The following SLIT3 variants were observed in gnomAD, a reference collection of about 807,000 sequenced individuals.
SLIT3 encodes slit guidance ligand 3.
Under a neutral mutation model 184.0 loss-of-function variants are expected in SLIT3, and 68 were observed. The ratio of observed to expected loss-of-function variants is 0.37; its 90% CI spans 0.30 to 0.45. SLIT3 has a LOEUF of 0.45. Ranked by LOEUF, SLIT3 falls within the 20% of genes least tolerant of loss-of-function variation. The pLI is 1.00. For missense variants in SLIT3, 1,707 were observed against 2,026.0 expected, an observed-to-expected ratio of 0.84 and a Z score of 3.02; for synonymous variants, 831 against 828.6, an observed-to-expected ratio of 1.00 and a Z score of -0.05.
chr5:168,719,592 T>C (rs1409687272), intron 23 of SLIT3, among the ~76,000 whole-genome samples: 1 of 152,250 alleles, frequency 6.6e-6, no homozygotes, highest in Non-Finnish European at 1.5e-5. Context: ...TTGTACTTCA[T>C]TGACTGGTTG....
chr5:169,205,581 T>G (rs1469698735), intron 3 of SLIT3, among the ~76,000 whole-genome samples: 1 of 152,210 alleles, frequency 6.6e-6, no homozygotes, highest in East Asian at 1.9e-4. Flanking sequence ...GTTAGTTGGT[T>G]GGTTCATCGG....
chr5:169,084,805 C>T (rs557673888), intron 4 of SLIT3, among the ~76,000 whole-genome samples: 7 of 152,236 alleles, frequency 4.6e-5, no homozygotes, highest in East Asian at 1.9e-4. Flanking sequence ...GCTGAGGGGG[C>T]CCAGAGGGGC....
At chr5:169,097,763 C>T (rs1367159613) in intron 4 of SLIT3, among the ~76,000 whole-genome samples, 1 of 152,114 alleles carries the variant, frequency 6.6e-6, no homozygotes, top group Non-Finnish European at 1.5e-5. Flanking sequence ...GCTCTGTAGC[C>T]CCCCACCACC....
intron 32 of SLIT3, among the ~76,000 whole-genome samples, chr5:168,673,640 A>G (rs141134926): frequency 6.6e-6 from 1 of 152,174 alleles, no homozygotes; most frequent in Non-Finnish European, 1.5e-5. Flanking sequence ...CTCAGTGTGC[A>G]TTTCCTAAGG....
chr5:168,861,195 G>A (rs185426241), intron 5 of SLIT3, among the ~76,000 whole-genome samples: 1 of 152,108 alleles, frequency 6.6e-6, no homozygotes, highest in African/African-American at 2.4e-5. Flanking sequence ...CCATGTTGGT[G>A]TGCTGCACCC....
chr5:168,705,523 G>C (rs1173351560), intron 26 of SLIT3, among the ~76,000 whole-genome samples: 1 of 151,640 alleles, frequency 6.6e-6, no homozygotes. Flanking sequence ...CATCATCACC[G>C]ATACCATCAC....
chr5:169,009,828 C>T (rs1756076446), intron 4 of SLIT3, among the ~76,000 whole-genome samples: 1 of 152,166 alleles, frequency 6.6e-6, no homozygotes, highest in South Asian at 2.1e-4. Flanking sequence ...TAAATACATG[C>T]TAGATGAACA....
At chr5:169,086,898 G>A (rs1759323940) in intron 4 of SLIT3, among the ~76,000 whole-genome samples, 1 of 152,170 alleles carries the variant, frequency 6.6e-6, no homozygotes, top group African/African-American at 2.4e-5. Context: ...GTCTTTGTTG[G>A]GCAGGATGAT....
intron 4 of SLIT3, among the ~76,000 whole-genome samples, chr5:168,925,197 T>A (rs1243183323): frequency 6.6e-6 from 1 of 152,214 alleles, no homozygotes; most frequent in African/African-American, 2.4e-5. Context: ...GACAAACTTG[T>A]ACATGCTGAC....
intron 4 of SLIT3, among the ~76,000 whole-genome samples, chr5:168,982,075 TCTTTC>T (rs1349194167): frequency 6.6e-6 from 1 of 152,242 alleles, no homozygotes; most frequent in African/African-American, 2.4e-5. Flanking sequence ...GATTTGTAAT[TCTTTC>T]CTTTCTTCTA....
intron 4 of SLIT3, among the ~76,000 whole-genome samples, chr5:169,082,106 T>C (rs537030422): frequency 2.6e-5 from 4 of 152,162 alleles, no homozygotes; most frequent in Non-Finnish European, 5.9e-5. Flanking sequence ...CTCGGAGAGG[T>C]GTAGGGACAT....
chr5:169,248,556 A>G (rs1765674412), intron 2 of SLIT3, among the ~76,000 whole-genome samples: 1 of 152,188 alleles, frequency 6.6e-6, no homozygotes, highest in African/African-American at 2.4e-5. Flanking sequence ...ACACCCAGAA[A>G]GGCTGTCCAT....
At chr5:168,825,558 C>G (rs7733222) in intron 6 of SLIT3, among the ~76,000 whole-genome samples, 1 of 152,038 alleles carries the variant, frequency 6.6e-6, no homozygotes, top group Non-Finnish European at 1.5e-5. Flanking sequence ...ATTGCCTGCT[C>G]CTGCCTACTT....
At chr5:169,288,967 G>T (rs1410882940) in intron 1 of SLIT3, among the ~76,000 whole-genome samples, 1 of 152,160 alleles carries the variant, frequency 6.6e-6, no homozygotes, top group African/African-American at 2.4e-5. Context: ...AGGATTTAGT[G>T]GTTCAATTCA....
intron 16 of SLIT3, 106 bp from the exon 17 acceptor site, chr5:168,754,113 G>A (rs1010761445): frequency 8.5e-7 from 1 of 1,181,856 alleles, no homozygotes; most frequent in African/African-American, 1.5e-5. Context: ...TGGGGCCCCT[G>A]AGACTGAGGA....
intron 4 of SLIT3, among the ~76,000 whole-genome samples, chr5:169,087,199 T>C (rs985601251): frequency 1.3e-5 from 2 of 152,170 alleles, no homozygotes; most frequent in Non-Finnish European, 2.9e-5. Context: ...AAGCACTAAC[T>C]GCTAGGGAGG....
intron 3 of SLIT3, among the ~76,000 whole-genome samples, chr5:169,204,418 A>G (rs541263785): frequency 1.3e-5 from 2 of 152,188 alleles, no homozygotes; most frequent in South Asian, 4.2e-4. Flanking sequence ...AGGAGAGAAA[A>G]CGGGTTGATA....
intron 4 of SLIT3, among the ~76,000 whole-genome samples, chr5:168,915,583 G>A (rs940064017): frequency 2.6e-5 from 4 of 151,622 alleles, no homozygotes; most frequent in South Asian, 2.1e-4. Flanking sequence ...TTTATTATGC[G>A]AACATATCCA....
chr5:169,001,339 C>T (rs1755696721), intron 4 of SLIT3, among the ~76,000 whole-genome samples: 1 of 152,100 alleles, frequency 6.6e-6, no homozygotes, highest in Non-Finnish European at 1.5e-5. Context: ...ACTTTTCCTA[C>T]TAAGTACTTA....
Sources: gnomAD v4.1 joint callset for allele counts (sites outside exome capture counted in the v4.1 genomes callset) on GRCh38, gnomAD v4.1.1 for gene constraint, MANE v1.5 for transcripts, NCBI Gene and HGNC (gene_info 2026-07-23, HGNC 2026-07-21) for gene names.